The following AGO1 variants were observed in gnomAD, a reference collection of about 807,000 sequenced individuals.
AGO1 encodes argonaute RISC component 1, also known as protein argonaute-1.
A neutral mutation model predicts 109.2 loss-of-function variants in AGO1; 11 were observed. The ratio of observed to expected loss-of-function variants is 0.10; its 90% CI spans 0.06 to 0.17. The LOEUF (loss-of-function observed/expected upper bound fraction) is 0.17. Among genes scored for constraint, AGO1 ranks in the 10% least tolerant of loss-of-function variants. The probability of loss-of-function intolerance (pLI) is 1.00; values close to 1 mark genes in which losing one functional copy is unlikely to be tolerated. For missense variants in AGO1, 574 were observed against 1,140.3 expected (o/e 0.50, Z 7.15); for synonymous variants, 422 against 418.6 (o/e 1.01, Z -0.10).
intron 1 of AGO1, chr1:35,873,727 A>G (rs750951962): frequency 6.5e-6 from 1 of 152,672 alleles, no homozygotes; most frequent in African/African-American, 2.4e-5. Flanking sequence ...CCTAGATCAA[A>G]GTGATGTTTT....
Position 35,914,293 on chromosome 1 carries a change from C to T in AGO1, c.1833+19C>T, listed in dbSNP as rs1185006878. On this transcript the variant is annotated intron_variant, in intron 14 of 18. Coordinates refer to ENST00000373204, the MANE Select transcript of AGO1 (RefSeq NM_012199.5). ...CACAGCAGTGAGTGATATTCTGTAGCTGCCTCATAAGGTTCTCCTCTTCGC... is the reference window on the plus strand; with the variant it reads ...CACAGCAGTGAGTGATATTCTGTAGTTGCCTCATAAGGTTCTCCTCTTCGC... 1 of 1,601,310 alleles carries T rather than the reference C, an allele frequency of 6.2e-7. No homozygotes were observed.
rs1296302699 is a variant in AGO1, at chr1:35,901,983, C to T, written c.1176C>T (p.Ile392=). The T allele has an allele frequency of 2.5e-6, 4 of 1,609,326 alleles. No individual in the cohort carries two copies. The Admixed American group carries it at 5.1e-5, about 20-fold the overall frequency. The change falls in exon 10 of 19, where the codon ATC becomes ATT. Residue 392 remains isoleucine (I), a synonymous_variant. Transcript: ENST00000373204. This position sits in a 1 kb window ranked among gnomAD's most constrained non-coding sequence, Gnocchi z 4.8. ...KNASYNLDPY[I]QEFGIKVKDD... ...CCAGCTACAACTTAGATCCCTACATCCAGGAATTTGGGATCAAAGTGAAGG... is the reference window on the plus strand; with the variant it reads ...CCAGCTACAACTTAGATCCCTACATTCAGGAATTTGGGATCAAAGTGAAGG...
intron 17 of AGO1, 102 bp from the exon 18 acceptor site, chr1:35,918,953 T>C: frequency 9.3e-7 from 1 of 1,077,882 alleles, no homozygotes; most frequent in Non-Finnish European, 1.4e-6. Flanking sequence ...TGTTCATGGG[T>C]GAATTATCTA....
chr1:35,901,621 C>A lies in AGO1; in HGVS notation c.1140+28C>A. Reference sequence around the variant, plus strand: ...CAGTGGGCCTACTCATTTGCTCAGTCATTGGGGCCATTGGTAGCATAAATG... The same window carrying A: ...CAGTGGGCCTACTCATTTGCTCAGTAATTGGGGCCATTGGTAGCATAAATG... On this transcript the variant is annotated intron_variant, in intron 9 of 18. Coordinates refer to ENST00000373204, the MANE Select transcript of AGO1 (RefSeq NM_012199.5). The surrounding 1 kb of genome is among the most constrained non-coding windows in gnomAD (Gnocchi z 4.8). 5 of 1,613,558 alleles carry A rather than the reference C, an allele frequency of 3.1e-6. No homozygotes were observed. In the South Asian group the frequency reaches 4.4e-5, roughly 14 times the overall value.
intron 1 of AGO1, among the ~76,000 whole-genome samples, chr1:35,872,516 G>C (rs1644960363): frequency 6.6e-6 from 1 of 151,866 alleles, no homozygotes; most frequent in Non-Finnish European, 1.5e-5. Context: ...TCCTAGCTAA[G>C]CCATTTTAGC....
rs75398238 is a variant in AGO1 at position 35,887,670 on chromosome 1, T to A, written c.26-757T>A. 7.6e-3 allele frequency among the ~76,000 whole-genome samples: 1,153 copies of A among 152,248 alleles called. 13 individuals are homozygous for A. The highest frequency in any genetic ancestry group is 0.026 in the African/African-American group (1,092 of 41,532). On this transcript the variant is annotated intron_variant, in intron 1 of 18. Transcript: ENST00000373204. ...CTTTCTTTATTCAAGCTTTTTTTTTTATCATTGTCTCCCCAGTTGCTGCTT... is the reference window on the plus strand; with the variant it reads ...CTTTCTTTATTCAAGCTTTTTTTTTAATCATTGTCTCCCCAGTTGCTGCTT...
intron 1 of AGO1, among the ~76,000 whole-genome samples, chr1:35,877,285 T>G (rs1645000376): frequency 6.6e-6 from 1 of 152,204 alleles, no homozygotes; most frequent in South Asian, 2.1e-4. Context: ...TCTCAGTGCT[T>G]CTTCCTTCCA....
Position 35,883,277 on chromosome 1 carries a change from C to G in AGO1, c.-145C>G. On this transcript the variant is annotated 5_prime_UTR_variant, in exon 1 of 19. Coordinates refer to ENST00000373204, the MANE Select transcript of AGO1 (RefSeq NM_012199.5). The surrounding 1 kb of genome is among the most constrained non-coding windows in gnomAD (Gnocchi z 5.4). Reference sequence around the variant, plus strand: ...TCCGCGGCGGCGGCAACGGAGGCTGCGGGGGCGGCGGCGCGAGCGGCCGGG... The same window carrying G: ...TCCGCGGCGGCGGCAACGGAGGCTGGGGGGGCGGCGGCGCGAGCGGCCGGG... The G allele has an allele frequency of 7.2e-7, 1 of 1,397,668 alleles. No homozygotes were observed. The highest frequency in any genetic ancestry group is 9.3e-7 in the Non-Finnish European group (1 of 1,075,682). The allele number at this position is 1,397,668 out of a possible 1,614,324, so 86.6% of individuals were successfully genotyped here.
intron 12 of AGO1, among the ~76,000 whole-genome samples, chr1:35,912,234 C>G (rs1645646797): frequency 6.6e-6 from 1 of 151,928 alleles, no homozygotes; most frequent in South Asian, 2.1e-4. Context: ...TGGCGGGCAC[C>G]TGTAGTCCCA....
At chr1:35,870,811 T>G (rs1392631692) in intron 1 of AGO1, among the ~76,000 whole-genome samples, 1 of 152,246 alleles carries the variant, frequency 6.6e-6, no homozygotes, top group East Asian at 1.9e-4. Context: ...TTTTCTGTAT[T>G]GTTTAATATG....
In AGO1 at chr1:35,922,284, T is replaced by C. The variant is rs1645846852; in HGVS notation, c.*2677T>C. 1 of 152,672 alleles carries C rather than the reference T, an allele frequency of 6.5e-6. No homozygotes were observed. The highest frequency in any genetic ancestry group is 6.5e-5 in the Admixed American group (1 of 15,290). The allele number at this position is 152,672 out of a possible 1,614,324, so 9.5% of individuals were successfully genotyped here. A position where few individuals can be genotyped will look rare whatever the true frequency, so the allele number is the denominator to read the frequency against. On this transcript the variant is annotated 3_prime_UTR_variant, in exon 19 of 19. Transcript: ENST00000373204. ...TTGGGCAATGACAAGAAATGAGTTC[T>C]TACTCTGATTTTTTTGTAAAAAGAT...
intron 11 of AGO1, 78 bp from the exon 12 acceptor site, chr1:35,906,857 C>T (rs1645530038): frequency 3.9e-6 from 5 of 1,269,374 alleles, no homozygotes; most frequent in Non-Finnish European, 5.5e-6. Context: ...TAGTGCTAAG[C>T]ACCTAAGATG....
chr1:35,905,570 G>A (rs1645504541), intron 11 of AGO1, among the ~76,000 whole-genome samples: 1 of 151,950 alleles, frequency 6.6e-6, no homozygotes, highest in African/African-American at 2.4e-5. Flanking sequence ...TGTTTCATGT[G>A]ATTCTCCTGC....
rs1315881943 is a variant in AGO1, at chr1:35,930,277, A to C, written c.*10670A>C. ...AAGGCGTCTCAGATGTCTTTCGTTG[A>C]GACGCAAAAAAAAGCTGTGGGGTAG... On this transcript the variant is annotated 3_prime_UTR_variant, in exon 19 of 19. Coordinates refer to ENST00000373204, the MANE Select transcript of AGO1 (RefSeq NM_012199.5). 6.6e-6 allele frequency: 1 copy of C among 152,170 alleles called. No homozygotes were observed. Among genetic ancestry groups the C allele is most frequent in the Non-Finnish European group, 1.5e-5 (1 of 68,040 alleles). 9.4% of individuals were successfully genotyped at this position (152,170 alleles called of 1,614,324 possible).
intron 12 of AGO1, among the ~76,000 whole-genome samples, chr1:35,910,512 C>A (rs1645612888): frequency 6.6e-6 from 1 of 152,106 alleles, no homozygotes; most frequent in Non-Finnish European, 1.5e-5. Flanking sequence ...CAGAACCTTA[C>A]CACAGCCCCA....
chr1:35,919,367 C>A lies in AGO1; in HGVS notation c.2465+113C>A. Reference sequence around the variant, plus strand: ...TGCTGTCCAATTTGGTGTCATTGGGCTCGTCTGCCCAATCCTGGGTTGGGT... The same window carrying A: ...TGCTGTCCAATTTGGTGTCATTGGGATCGTCTGCCCAATCCTGGGTTGGGT... On this transcript the variant is annotated intron_variant, in intron 18 of 18. Coordinates refer to ENST00000373204, the MANE Select transcript of AGO1 (RefSeq NM_012199.5). This position sits in a 1 kb window ranked among gnomAD's most constrained non-coding sequence, Gnocchi z 6.6. 6.9e-7 allele frequency: 1 copy of A among 1,457,508 alleles called. No individual in the cohort carries two copies. The allele number at this position is 1,457,508 out of a possible 1,614,324, so 90.3% of individuals were successfully genotyped here. A position where few individuals can be genotyped will look rare whatever the true frequency, so the allele number is the denominator to read the frequency against.
rs1183272091 is a variant in AGO1 at position 35,924,764 on chromosome 1, T to G, written c.*5157T>G. The G allele has an allele frequency of 6.6e-6, 1 of 152,150 alleles. No homozygotes were observed. The highest frequency in any genetic ancestry group is 2.4e-5 in the African/African-American group (1 of 41,402). The allele number at this position is 152,150 out of a possible 1,614,324, so 9.4% of individuals were successfully genotyped here. A position where few individuals can be genotyped will look rare whatever the true frequency, so the allele number is the denominator to read the frequency against. ...TGTTGGGACATTCTGCCAGTCAAGA[T>G]GGGGGTGACGGGGAGACTGTAGAAG... On this transcript the variant is annotated 3_prime_UTR_variant, in exon 19 of 19. Transcript: ENST00000373204.
intron 17 of AGO1, 112 bp from the exon 18 acceptor site, chr1:35,918,943 T>C (rs1040682128): frequency 2.1e-6 from 2 of 959,048 alleles, no homozygotes; most frequent in Non-Finnish European, 3.3e-6. Context: ...TGCATCTGCC[T>C]GTTCATGGGT....
chr1:35,870,933 C>A (rs1644944578), intron 1 of AGO1, among the ~76,000 whole-genome samples: 1 of 152,112 alleles, frequency 6.6e-6, no homozygotes, highest in Admixed American at 6.5e-5. Context: ...CACTCAGTAT[C>A]ATGTTTCTGA....
Sources: gnomAD v4.1 joint callset for allele counts (sites outside exome capture counted in the v4.1 genomes callset) on GRCh38, gnomAD v4.1.1 for gene constraint, Gnocchi (gnomAD v3.1) non-coding constraint, MANE v1.5 for transcripts, NCBI Gene and HGNC (gene_info 2026-07-23, HGNC 2026-07-21) for gene names.